The following SNX8 variants were observed in gnomAD, a reference collection of about 807,000 sequenced individuals.
SNX8 encodes the protein sorting nexin-8.
A neutral mutation model predicts 51.6 loss-of-function variants in SNX8; 25 were observed. The ratio of observed to expected loss-of-function variants is 0.48; its 90% confidence interval spans 0.35 to 0.68. The LOEUF is 0.68. Among genes scored for constraint, SNX8 ranks in the 30% least tolerant of loss-of-function variants. The probability of loss-of-function intolerance (pLI) is 0.00; values close to 1 mark genes in which losing one functional copy is unlikely to be tolerated. For missense variants in SNX8, 695 were observed against 624.0 expected (o/e 1.11, Z -1.21); for synonymous variants, 324 against 277.0 (o/e 1.17, Z -1.68).
chr7:2,274,113 C>G (rs1795718685), intron 3 of SNX8, among the ~76,000 whole-genome samples: 1 of 152,262 alleles, frequency 6.6e-6, no homozygotes, highest in South Asian at 2.1e-4. Context: ...GCCAGCATCA[C>G]ACATCCCTGT....
chr7:2,256,877 C>T lies in SNX8; in HGVS notation c.1281G>A (p.Lys427=), dbSNP rs773172649. The change falls in exon 10 of 11, where the codon AAG becomes AAA. Residue 427 remains lysine, a synonymous_variant. Transcript: ENST00000222990. ...AFVNSQIQGH[K]EMSKVWNDLR... ...GGCCGGAGCAGGGCGGACTCACCTC[C>T]TTGTGCCCTTGGATCTGAGAGTTGA... The T allele has an allele frequency of 1.6e-5, 26 of 1,611,640 alleles. No individual in the cohort carries two copies. Among genetic ancestry groups the T allele is most frequent in the Non-Finnish European group, 2.0e-5 (24 of 1,178,860 alleles).
intron 1 of SNX8, among the ~76,000 whole-genome samples, chr7:2,296,171 G>C (rs187000420): frequency 2.6e-5 from 4 of 152,130 alleles, no homozygotes; most frequent in Admixed American, 2.0e-4. Flanking sequence ...TTGGCAGTGT[G>C]GTCATTTTCA....
intron 1 of SNX8, among the ~76,000 whole-genome samples, chr7:2,283,568 T>G (rs1203480201): frequency 6.6e-6 from 1 of 152,186 alleles, no homozygotes; most frequent in Non-Finnish European, 1.5e-5. Context: ...CGCATTCCCA[T>G]GGACTCCAAG....
At chr7:2,282,910 A>G (rs1214609487) in intron 1 of SNX8, among the ~76,000 whole-genome samples, 3 of 152,126 alleles carry the variant, frequency 2.0e-5, no homozygotes, top group Non-Finnish European at 4.4e-5. Flanking sequence ...TCACGAGGTC[A>G]GGAGATCGAG....
chr7:2,304,759 C>A (rs1180208785), intron 1 of SNX8, among the ~76,000 whole-genome samples: 1 of 152,092 alleles, frequency 6.6e-6, no homozygotes, highest in African/African-American at 2.4e-5. Context: ...AGAAACTGCA[C>A]ACACAGAGAC....
At chr7:2,282,714 C>G (rs1795935091) in intron 1 of SNX8, among the ~76,000 whole-genome samples, 1 of 152,202 alleles carries the variant, frequency 6.6e-6, no homozygotes, top group Non-Finnish European at 1.5e-5. Flanking sequence ...CAGTGGCTCA[C>G]GCCTGAATTC....
rs369235196 is a variant in SNX8, at chr7:2,283,024, G to C, written c.95-4719C>G. ...TAGTCCCAGCTACTCGGGAGGCTGAGGCAGGAGAATGGTGTGAACCCGGGA... is the reference window on the plus strand; with the variant it reads ...TAGTCCCAGCTACTCGGGAGGCTGACGCAGGAGAATGGTGTGAACCCGGGA... On this transcript the variant is annotated intron_variant, in intron 1 of 10. Transcript: ENST00000222990. 5.3e-5 allele frequency among the ~76,000 whole-genome samples: 8 copies of C among 152,044 alleles called. No homozygotes were observed. The East Asian group carries it at 9.7e-4, about 18-fold the overall frequency.
intron 1 of SNX8, chr7:2,287,923 G>A (rs112610365): frequency 0.024 from 3,686 of 151,922 alleles, 64 homozygotes; most frequent in Non-Finnish European, 0.037. Context: ...TATGCTTCAT[G>A]GTGTTCTGGG....
rs1298154575 is a variant in SNX8 at position 2,278,166 on chromosome 7, C to G, written c.234G>C (p.Gln78His). 1 of 1,614,158 alleles carries G rather than the reference C, an allele frequency of 6.2e-7. No homozygotes were observed. The highest frequency in any genetic ancestry group is 1.1e-5 in the South Asian group (1 of 91,080). ...CCTTCTTCTCCGGAATGAGCTCCACCTGCACGGTGTCCCTGGCCAGCAGCT... is the reference window on the plus strand; with the variant it reads ...CCTTCTTCTCCGGAATGAGCTCCACGTGCACGGTGTCCCTGGCCAGCAGCT... ...LQELLARDTV[Q>H]VELIPEKKGL... The change falls in exon 2 of 11, where the codon CAG (glutamine) becomes CAC (histidine). Residue 78 changes from glutamine to histidine, a missense_variant. Gln to His is a conservative substitution (Grantham distance 24, BLOSUM62 0). Coordinates refer to ENST00000222990, the MANE Select transcript of SNX8 (RefSeq NM_013321.4).
At chr7:2,258,366 C>T (rs958890217) in intron 7 of SNX8, among the ~76,000 whole-genome samples, 23 of 152,296 alleles carry the variant, frequency 1.5e-4, no homozygotes, top group African/African-American at 5.5e-4. Flanking sequence ...GGGACAGCTG[C>T]CCGCCCTCCT....
chr7:2,256,295 C>T (rs1469862622), intron 10 of SNX8, among the ~76,000 whole-genome samples: 6 of 152,254 alleles, frequency 3.9e-5, no homozygotes, highest in African/African-American at 7.2e-5. Flanking sequence ...CACTCGGTGC[C>T]ATTCCACACA....
intron 1 of SNX8, among the ~76,000 whole-genome samples, chr7:2,338,502 G>A (rs1229190662): frequency 6.6e-6 from 1 of 151,400 alleles, no homozygotes; most frequent in Admixed American, 6.6e-5. Flanking sequence ...GGGCGTGGTG[G>A]CGCAAGCCTG....
At chr7:2,320,272 T>C (rs1796812432) in intron 1 of SNX8, among the ~76,000 whole-genome samples, 1 of 151,966 alleles carries the variant, frequency 6.6e-6, no homozygotes, top group East Asian at 1.9e-4. Context: ...GGAGATTTGC[T>C]TGAACCTGGG....
intron 1 of SNX8, among the ~76,000 whole-genome samples, chr7:2,321,785 C>T (rs1192694714): frequency 2.3e-5 from 3 of 131,414 alleles, no homozygotes; most frequent in Admixed American, 8.7e-5. Context: ...GTTGCGATCT[C>T]GGATCTCGGC....
Position 2,267,305 on chromosome 7 carries a change from TCCCTCCCCCTCC to T in SNX8, c.621+2242_621+2253del, listed in dbSNP as rs1213649914. Reference sequence around the variant, plus strand: ...AAGTTAGAAAAATACCTTGGCCCTCTCCCTCCCCCTCCCCCTCCCCCTCCCCCTCTCCCTCTC... The same window carrying T: ...AAGTTAGAAAAATACCTTGGCCCTCTCCCTCCCCCTCCCCCTCTCCCTCTC... On this transcript the variant is annotated intron_variant, in intron 5 of 10. Transcript: ENST00000222990. Among the ~76,000 whole-genome samples the T allele has an allele frequency of 5.9e-4, 72 of 121,884 alleles. 2 individuals are homozygous for T. Among genetic ancestry groups the T allele is most frequent in the South Asian group, 3.6e-3 (12 of 3,342 alleles). The allele number at this position is 121,884 out of a possible 152,430, so 80.0% of individuals were successfully genotyped here.
chr7:2,302,371 C>T (rs938517086), intron 1 of SNX8, among the ~76,000 whole-genome samples: 3 of 152,242 alleles, frequency 2.0e-5, no homozygotes, highest in Admixed American at 1.3e-4. Flanking sequence ...CCCGAGGTGC[C>T]GGGATTGCAG....
At chr7:2,259,080 G>A (rs570322347) in intron 7 of SNX8, among the ~76,000 whole-genome samples, 3 of 152,320 alleles carry the variant, frequency 2.0e-5, no homozygotes, top group Admixed American at 2.0e-4. Context: ...AGGCATCTGC[G>A]GTATGAAGAG....
chr7:2,277,117 T>C (rs1795798442), intron 2 of SNX8, among the ~76,000 whole-genome samples: 1 of 152,190 alleles, frequency 6.6e-6, no homozygotes, highest in Admixed American at 6.5e-5. Flanking sequence ...CCCTGCTGAC[T>C]CCACACCTCC....
At chr7:2,276,727 T>C (rs1795789395) in intron 2 of SNX8, among the ~76,000 whole-genome samples, 1 of 151,994 alleles carries the variant, frequency 6.6e-6, no homozygotes. Context: ...GGAGGACCAC[T>C]TGAGCCCAGG....
Sources: allele counts gnomAD v4.1 joint callset (sites outside exome capture counted in the v4.1 genomes callset), GRCh38; gene constraint gnomAD v4.1.1; transcripts MANE v1.5; gene names NCBI Gene and HGNC (gene_info 2026-07-23, HGNC 2026-07-21).